Variants in EEF1B2 observed in about 807,000 individuals in gnomAD.
EEF1B2 encodes the protein eukaryotic translation elongation factor 1 beta 2.
EEF1B2 carries 12 observed loss-of-function variants against 28.3 expected under a neutral mutation model. The observed-to-expected ratio is 0.42, with a 90% CI of 0.27 to 0.69. The LOEUF is 0.69. Among genes scored for constraint, EEF1B2 ranks in the 30% least tolerant of loss-of-function variants. The pLI, the probability that EEF1B2 is intolerant of heterozygous loss-of-function variation, is 0.22. For synonymous variants in EEF1B2, 83 were observed against 99.9 expected (o/e 0.83, Z 1.01); for missense variants, 234 against 272.6 (o/e 0.86, Z 1.00).
At chr2:206,161,624 T>A in intron 3 of EEF1B2, 152 bp downstream of exon 3, 1 of 986,372 alleles carries the variant, frequency 1.0e-6, no homozygotes, top group Admixed American at 2.5e-5. Context: ...GTACTAAAAA[T>A]ACAAAAAAAT....
intron 4 of EEF1B2, 123 bp downstream of exon 4, chr2:206,162,227 C>T (rs768480936): frequency 8.9e-7 from 1 of 1,122,408 alleles, no homozygotes; most frequent in South Asian, 1.2e-5. Flanking sequence ...TGTACAGGTT[C>T]TTCCACAGCT....
chr2:206,159,868 A>G (rs1208076011), upstream of EEF1B2: 11 of 1,259,558 alleles, frequency 8.7e-6, no homozygotes, highest in African/African-American at 4.6e-5. Flanking sequence ...CCGTCTCTAT[A>G]TAAGGAATTT....
At chr2:206,160,390 TG>T (rs1687880540) in intron 1 of EEF1B2, among the ~76,000 whole-genome samples, 197 bp from the exon 2 acceptor site, 1 of 152,226 alleles carries the variant, frequency 6.6e-6, no homozygotes, top group Non-Finnish European at 1.5e-5. Context: ...GTCTACTTAG[TG>T]GCAGACATTT....
chr2:206,160,325 A>G (rs10208322), intron 1 of EEF1B2, among the ~76,000 whole-genome samples: 3,723 of 152,318 alleles, frequency 0.024, 153 homozygotes, highest in African/African-American at 0.085. Flanking sequence ...ATCGCTGCCC[A>G]GTTAATACAT....
chr2:206,160,131 T>C, intron 1 of EEF1B2, 72 bp downstream of exon 1: 2 of 1,557,088 alleles, frequency 1.3e-6, no homozygotes, highest in Non-Finnish European at 1.7e-6. Context: ...TGGCGCAGCG[T>C]GTCGGCTGCC....
At chr2:206,161,768 C>A (rs148791027) in intron 3 of EEF1B2, 122,738 of 455,304 alleles carry the variant, frequency 0.27, 11,551 homozygotes, top group African/African-American at 0.48. Flanking sequence ...GACTCCGTCC[C>A]AAAAAAAAAA....
chr2:206,162,146 T>C (rs1200446870), intron 4 of EEF1B2, 42 bp downstream of exon 4: 2 of 1,578,380 alleles, frequency 1.3e-6, no homozygotes, highest in Non-Finnish European at 1.7e-6. Flanking sequence ...TTAATGTAAG[T>C]AATCTTTTTC....
rs202213296 is a variant in EEF1B2 at position 206,161,458 on chromosome 2, T to C, written c.316T>C (p.Ser106Pro). The change falls in exon 3 of 6, where the codon TCT becomes CCT. Residue 106 changes from serine to proline, a missense_variant. Around this residue, in one of 2 missense-constraint regions of EEF1B2, gnomAD observed 178 missense variants for 173.3 expected, o/e 1.03. Transcript: ENST00000392222. ...TGATGATGACATTGACCTCTTTGGA[T>C]CTGATGATGAGGAGGTATGGCGTCT... is the stretch of plus-strand genomic sequence containing the variant. The part of the protein sequence containing the change: ...KDDDDIDLFG[S>P]DDEEESEEAK... The C allele has an allele frequency of 6.2e-7, 1 of 1,613,730 alleles. No homozygotes were observed. The highest frequency in any genetic ancestry group is 1.7e-5 in the Admixed American group (1 of 59,978).
At chr2:206,160,496 C>T in intron 1 of EEF1B2, 92 bp from the exon 2 acceptor site, 2 of 1,596,136 alleles carry the variant, frequency 1.3e-6, no homozygotes, top group South Asian at 1.1e-5. Context: ...GGTTAGTGCC[C>T]ACTAATTAAT....
At chr2:206,162,222 A>G in intron 4 of EEF1B2, 118 bp downstream of exon 4, 1 of 1,165,672 alleles carries the variant, frequency 8.6e-7, no homozygotes, top group Non-Finnish European at 1.3e-6. Flanking sequence ...AAACCTGTAC[A>G]GGTTCTTCCA....
At chr2:206,160,154 G>A in intron 1 of EEF1B2, 95 bp downstream of exon 1, 1 of 1,361,304 alleles carries the variant, frequency 7.3e-7, no homozygotes, top group Middle Eastern at 2.4e-4. Context: ...GGGAGGGAGG[G>A]AGGCCGGGCC....
Position 206,160,662 on chromosome 2 carries a change from C to T in EEF1B2, c.155C>T (p.Ala52Val), listed in dbSNP as rs753160065. 3.1e-6 allele frequency: 5 copies of T among 1,614,026 alleles called. No individual in the cohort carries two copies. Among genetic ancestry groups the T allele is most frequent in the Non-Finnish European group, 4.2e-6 (5 of 1,180,026 alleles). ...CCACCGCCTGCCGACTTGTGTCATGCCCTACGTTGGTATAATCACATCAAG... is the reference window on the plus strand; with the variant it reads ...CCACCGCCTGCCGACTTGTGTCATGTCCTACGTTGGTATAATCACATCAAG... ...SSPPPADLCH[A>V]LRWYNHIKSY... Residue 52 changes from alanine to valine, a missense_variant, in exon 2 of 6, where the codon GCC becomes GTC. Physicochemically the swap from Ala to Val is moderately conservative, Grantham distance 64. Around this residue, in one of 2 missense-constraint regions of EEF1B2, gnomAD observed 178 missense variants for 173.3 expected, o/e 1.03. Coordinates refer to ENST00000392222, the MANE Select transcript of EEF1B2 (RefSeq NM_001959.4).
chr2:206,162,612 C>T lies in EEF1B2; in HGVS notation c.521C>T (p.Ser174Leu), dbSNP rs1214194177. Reference protein sequence around the residue: ...SIQADGLVWGSSKLVPVGYGI... With the variant: ...SIQADGLVWGLSKLVPVGYGI... ...CAAGCAGACGGCTTAGTCTGGGGCT[C>T]ATGTGAGTTTAGGCTTTGCCTTTTT... The change falls in exon 5 of 6, where the codon TCA (serine) becomes TTA (leucine). Residue 174 changes from serine to leucine, a missense_variant and splice_region_variant. Physicochemically the swap from Ser to Leu is moderately radical, Grantham distance 145 (BLOSUM62 -2). Coordinates refer to ENST00000392222, the MANE Select transcript of EEF1B2 (RefSeq NM_001959.4). The T allele has an allele frequency of 4.4e-6, 7 of 1,607,744 alleles. No individual in the cohort carries two copies. The highest frequency in any genetic ancestry group is 1.7e-4 in the Middle Eastern group (1 of 5,926).
At chr2:206,161,832 G>T in intron 3 of EEF1B2, 1 of 739,312 alleles carries the variant, frequency 1.4e-6, no homozygotes. Context: ...CAAATTGCCT[G>T]GATTTGAATC....
chr2:206,162,143 A>G (rs1427580362), intron 4 of EEF1B2, 39 bp downstream of exon 4: 2 of 1,582,142 alleles, frequency 1.3e-6, no homozygotes, highest in South Asian at 2.2e-5. Context: ...ATGTTAATGT[A>G]AGTAATCTTT....
intron 1 of EEF1B2, 104 bp downstream of exon 1, chr2:206,160,163 C>CT (rs1687867164): frequency 2.4e-6 from 3 of 1,269,078 alleles, no homozygotes; most frequent in African/African-American, 3.7e-5. Flanking sequence ...GGAGGCCGGG[C>CT]CCGGGGCCCT....
At chr2:206,159,818 AC>A, upstream of EEF1B2, 2 of 684,758 alleles carry the variant, frequency 2.9e-6, no homozygotes, top group Non-Finnish European at 4.8e-6. Context: ...AAGTACTTTG[AC>A]CTTTAACCTT....
At chr2:206,162,285 G>T in intron 4 of EEF1B2, 181 bp downstream of exon 4, 2 of 1,113,172 alleles carry the variant, frequency 1.8e-6, no homozygotes, top group Non-Finnish European at 2.8e-6. Flanking sequence ...ATTCCTCTGT[G>T]GGAAAGAAAC....
chr2:206,161,164 C>T, intron 2 of EEF1B2, 182 bp from the exon 3 acceptor site: 1 of 705,240 alleles, frequency 1.4e-6, no homozygotes, highest in East Asian at 2.8e-5. Flanking sequence ...TCACATGGTA[C>T]TAATGCTTGT....
Sources: gnomAD v4.1 joint callset for allele counts (sites outside exome capture counted in the v4.1 genomes callset) on GRCh38, gnomAD v4.1.1 for gene constraint, gnomAD v4.1.1 regional missense constraint, MANE v1.5 for transcripts, NCBI Gene and HGNC (gene_info 2026-07-23, HGNC 2026-07-21) for gene names.